Variants in EPG5 observed in about 807,000 individuals in gnomAD.
EPG5 encodes ectopic P-granules 5 autophagy tethering factor.
EPG5 carries 159 observed loss-of-function variants against 302.7 expected under a neutral mutation model. The ratio of observed to expected loss-of-function variants is 0.53; its 90% CI spans 0.46 to 0.60. The LOEUF (loss-of-function observed/expected upper bound fraction) is 0.60, where lower values mean the gene tolerates loss of function less well. EPG5 is among the 20% of genes least tolerant of loss of function. The pLI is 0.00. For missense variants in EPG5, 2,896 were observed against 3,092.4 expected, an observed-to-expected ratio of 0.94 and a Z score of 1.51; for synonymous variants, 1,158 against 1,136.8, an observed-to-expected ratio of 1.02 and a Z score of -0.37.
At chr18:45,962,545 A>AT (rs1456914432) in intron 1 of EPG5, among the ~76,000 whole-genome samples, 3 of 152,228 alleles carry the variant, frequency 2.0e-5, no homozygotes, top group Non-Finnish European at 4.4e-5. Flanking sequence ...AAATGAAAAC[A>AT]TTATTAGGTC....
rs543543733 is a variant in EPG5, at chr18:45,910,563, G to A, written c.4163C>T (p.Pro1388Leu). Reference protein sequence around the residue: ...EGLPESHSGTPGYLTSPELHK... With the variant: ...EGLPESHSGTLGYLTSPELHK... ...CAGTTCTGGTGAAGTCAGGTAACCAGGGGTGCCAGAGTGGCTCTCTGGCAG... is the reference window on the plus strand; with the variant it reads ...CAGTTCTGGTGAAGTCAGGTAACCAAGGGTGCCAGAGTGGCTCTCTGGCAG... Residue 1388 changes from proline (P) to leucine (L), a missense_variant, in exon 23 of 44, where the codon CCT (proline) becomes CTT (leucine). Pro to Leu is a moderately conservative substitution (Grantham distance 98). Coordinates refer to ENST00000282041, the MANE Select transcript of EPG5 (RefSeq NM_020964.3). 3.7e-6 allele frequency: 6 copies of A among 1,613,512 alleles called. No individual in the cohort carries two copies. The highest frequency in any genetic ancestry group is 3.3e-5 in the South Asian group (3 of 90,984).
chr18:45,845,665 C>T (rs1485299526), downstream of EPG5, among the ~76,000 whole-genome samples: 1 of 152,212 alleles, frequency 6.6e-6, no homozygotes, highest in Non-Finnish European at 1.5e-5. Flanking sequence ...CCAGAAGACT[C>T]GGTGTTTTCA....
the EPG5 span, among the ~76,000 whole-genome samples, chr18:45,812,705 C>T: frequency 8.5e-4 from 129 of 152,166 alleles, no homozygotes; most frequent in Middle Eastern, 3.4e-3. Flanking sequence ...ATGGGAAAAC[C>T]GGCTAGCCAT....
chr18:45,858,801 G>C lies in EPG5; in HGVS notation c.7010-19C>G. The C allele has an allele frequency of 1.3e-4, 193 of 1,493,248 alleles. No homozygotes were observed. The highest frequency in any genetic ancestry group is 1.7e-4 in the Non-Finnish European group (185 of 1,070,532). The allele number at this position is 1,493,248 out of a possible 1,614,324, so 92.5% of individuals were successfully genotyped here. ...AGAGGGCCTAAGAACATGAAGAAGA[G>C]ACATCAAGATATAGGCAAGAATCCA... On this transcript the variant is annotated intron_variant, in intron 40 of 43. Transcript: ENST00000282041.
In EPG5 at chr18:45,939,737, T is replaced by C. The variant is rs780414826; in HGVS notation, c.1962A>G (p.Val654=). ...TCACATACTGTGCCCAATGGTCACT[T>C]ACATAACCAAGAGTCATCCTGAGCA... ...GYMIRMTLGY[V]SDHWAQYVSH... Residue 654 remains valine (V), a synonymous_variant, in exon 10 of 44, where the codon GTA becomes GTG. Transcript: ENST00000282041. 1 of 1,613,840 alleles carries C rather than the reference T, an allele frequency of 6.2e-7. No individual in the cohort carries two copies. Among genetic ancestry groups the C allele is most frequent in the Admixed American group, 1.7e-5 (1 of 60,018 alleles).
intron 20 of EPG5, 22 bp from the exon 21 acceptor site, chr18:45,913,850 G>C (rs757055466): frequency 8.7e-6 from 14 of 1,611,144 alleles, no homozygotes; most frequent in Non-Finnish European, 1.2e-5. Context: ...CCAGATAAAG[G>C]GGAGGGGAAG....
intron 4 of EPG5, 69 bp downstream of exon 4, chr18:45,951,033 A>G (rs554678797): frequency 1.5e-5 from 19 of 1,264,048 alleles, no homozygotes; most frequent in Admixed American, 2.9e-5. Flanking sequence ...ATGTAATGAT[A>G]TAACAGATAA....
the EPG5 span, among the ~76,000 whole-genome samples, chr18:45,812,750 C>T: frequency 2.6e-5 from 4 of 152,320 alleles, no homozygotes; most frequent in African/African-American, 9.6e-5. Flanking sequence ...CTTCCTTACA[C>T]CTTATGCAAA....
chr18:45,889,395 T>C (rs2049290274), intron 28 of EPG5, among the ~76,000 whole-genome samples: 1 of 152,236 alleles, frequency 6.6e-6, no homozygotes, highest in African/African-American at 2.4e-5. Context: ...GATAAGTTCC[T>C]GGGTAAATGT....
the EPG5 span, among the ~76,000 whole-genome samples, chr18:45,801,935 A>G: frequency 6.6e-6 from 1 of 152,054 alleles, no homozygotes; most frequent in African/African-American, 2.4e-5. Context: ...GCTGAGCTTT[A>G]TCACACTCTC....
intron 38 of EPG5, 94 bp downstream of exon 38, chr18:45,866,704 G>T: frequency 1.1e-6 from 1 of 946,004 alleles, no homozygotes; most frequent in South Asian, 1.4e-5. Flanking sequence ...TTCCTCTGCT[G>T]AGCACTTCCT....
chr18:45,943,410 G>A (rs1021155951), intron 8 of EPG5, 99 bp from the exon 9 acceptor site: 1 of 1,015,792 alleles, frequency 9.8e-7, no homozygotes, highest in African/African-American at 1.6e-5. Flanking sequence ...TCAAAGCCAA[G>A]GTGGAGAAGA....
chr18:45,885,433 CCCA>C (rs1195463065), intron 29 of EPG5, among the ~76,000 whole-genome samples: 1 of 152,018 alleles, frequency 6.6e-6, no homozygotes, highest in Non-Finnish European at 1.5e-5. Context: ...ATGCAATGTC[CCCA>C]CCATGATTAC....
intron 10 of EPG5, among the ~76,000 whole-genome samples, chr18:45,937,227 CAT>C (rs202087194): frequency 0.065 from 6,380 of 98,650 alleles, 285 homozygotes; most frequent in African/African-American, 0.16. Flanking sequence ...CATATATATA[CAT>C]ATATATACAC....
At chr18:45,868,017 C>T in intron 36 of EPG5, 1 of 523,208 alleles carries the variant, frequency 1.9e-6, no homozygotes, top group Admixed American at 2.2e-5. Context: ...TCCCTAACCC[C>T]AACCTGGGTG....
At chr18:45,961,539 A>C (rs972817226) in intron 1 of EPG5, among the ~76,000 whole-genome samples, 2 of 151,960 alleles carry the variant, frequency 1.3e-5, no homozygotes, top group Non-Finnish European at 2.9e-5. Flanking sequence ...CTTCCCTTTC[A>C]TGTCTTTACT....
chr18:45,872,470 G>A (rs1286826670), intron 35 of EPG5, among the ~76,000 whole-genome samples: 3 of 152,264 alleles, frequency 2.0e-5, no homozygotes, highest in East Asian at 3.9e-4. Context: ...TTGGGAGGCC[G>A]AGGCAGGCAG....
chr18:45,913,951 T>A, intron 20 of EPG5, 123 bp from the exon 21 acceptor site: 1 of 1,279,430 alleles, frequency 7.8e-7, no homozygotes, highest in Non-Finnish European at 1.1e-6. Context: ...TATTTGCAGT[T>A]TCTAAAATTA....
chr18:45,923,505 G>A (rs1568159042), intron 14 of EPG5, 118 bp from the exon 15 acceptor site: 3 of 1,140,292 alleles, frequency 2.6e-6, no homozygotes, highest in East Asian at 2.5e-5. Flanking sequence ...GAAGCTAAAT[G>A]TTCCAAAAAT....
Sources: allele counts gnomAD v4.1 joint callset (sites outside exome capture counted in the v4.1 genomes callset), GRCh38; gene constraint gnomAD v4.1.1; transcripts MANE v1.5; gene names NCBI Gene and HGNC (gene_info 2026-07-23, HGNC 2026-07-21).